ZNF554: variants seen among roughly 807,000 people sequenced by gnomAD.
The protein encoded by ZNF554 is zinc finger protein 554.
Under a neutral mutation model 21.2 loss-of-function variants are expected in ZNF554, and 15 were observed. The observed-to-expected ratio is 0.71, with a 90% CI of 0.47 to 1.09. The LOEUF is 1.09. ZNF554 is among the 50% of genes least tolerant of loss of function. The pLI, the probability that ZNF554 is intolerant of heterozygous loss-of-function variation, is 0.00. For missense variants in ZNF554, 691 were observed against 662.7 expected, an observed-to-expected ratio of 1.04 and a Z score of -0.47; for synonymous variants, 258 against 251.4, an observed-to-expected ratio of 1.03 and a Z score of -0.25.
At chr19:2,820,683 C>CTTTTTTTTTTT (rs1568330714) in intron 1 of ZNF554, among the ~76,000 whole-genome samples, 17 of 81,868 alleles carry the variant, frequency 2.1e-4, no homozygotes, top group African/African-American at 1.0e-3. Flanking sequence ...CAGCAAGGGT[C>CTTTTTTTTTTT]CTTTTTTTTT....
At chr19:2,824,417 T>G (rs1261978146) in intron 2 of ZNF554, among the ~76,000 whole-genome samples, 1 of 152,220 alleles carries the variant, frequency 6.6e-6, no homozygotes, top group African/African-American at 2.4e-5. Flanking sequence ...GCAGCCCCGG[T>G]GGCACCTCCC....
rs918451703 is a variant in ZNF554, at chr19:2,823,241, G to A, written c.126+129G>A. ...TTCAGGAGAATTCCCCAGGAGTGGT[G>A]TGTGGGATGAGGTACTCCTGCTGCT... On this transcript the variant is annotated intron_variant, in intron 2 of 4. Transcript: ENST00000317243. 7 of 904,792 alleles carry A rather than the reference G, an allele frequency of 7.7e-6. No homozygotes were observed. In the East Asian group the frequency reaches 1.3e-4, roughly 17 times the overall value. The allele number at this position is 904,792 out of a possible 1,614,324, so 56.0% of individuals were successfully genotyped here. A position where few individuals can be genotyped will look rare whatever the true frequency, so the allele number is the denominator to read the frequency against.
chr19:2,822,935 T>A, intron 1 of ZNF554, 105 bp from the exon 2 acceptor site: 1 of 1,158,194 alleles, frequency 8.6e-7, no homozygotes. Context: ...TCCCTCTGTG[T>A]ATGGGGGGCC....
At position 2,832,080 on chromosome 19, in the gene ZNF554, C is replaced by A. The variant is rs2087427993; in HGVS notation, c.254-223C>A. 7 of 348,524 alleles carry A rather than the reference C, an allele frequency of 2.0e-5. No homozygotes were observed. The South Asian group carries it at 2.9e-4, about 14-fold the overall frequency. The allele number at this position is 348,524 out of a possible 1,614,324, so 21.6% of individuals were successfully genotyped here. On this transcript the variant is annotated intron_variant, in intron 3 of 4. Transcript: ENST00000317243. ...AACTGGGGTTACAGGCATGCACCACCACGCCCAGCTAATTTTTGTATTTTT... is the reference window on the plus strand; with the variant it reads ...AACTGGGGTTACAGGCATGCACCACAACGCCCAGCTAATTTTTGTATTTTT...
chr19:2,828,373 C>T (rs1053134202), intron 3 of ZNF554, among the ~76,000 whole-genome samples: 1 of 152,168 alleles, frequency 6.6e-6, no homozygotes, highest in African/African-American at 2.4e-5. Context: ...GTCAGAGTGT[C>T]TTAGTCCGTT....
In ZNF554 at chr19:2,821,126, A is replaced by G. The variant is rs75876507; in HGVS notation, c.53+1002A>G. On this transcript the variant is annotated intron_variant, in intron 1 of 4. Transcript: ENST00000317243. The surrounding 1 kb of genome is among the most constrained non-coding windows in gnomAD (Gnocchi z 8.2). ...TTTTTTCTTGAGACAGTCTCGCCCT[A>G]TTGCCCAGGCTGGAGTGCAGTTGCA... Among the ~76,000 whole-genome samples the G allele has an allele frequency of 0.074, 10,983 of 148,262 alleles. 728 individuals are homozygous for G. The highest frequency in any genetic ancestry group is 0.23 in the South Asian group (1,069 of 4,706).
intron 2 of ZNF554, among the ~76,000 whole-genome samples, chr19:2,824,077 C>T (rs1412166979): frequency 2.0e-5 from 3 of 152,182 alleles, no homozygotes; most frequent in Admixed American, 6.5e-5. Context: ...TGGGAGCAGA[C>T]ACCCCTGAAC....
At chr19:2,823,145 A>G (rs377038716) in intron 2 of ZNF554, 33 bp downstream of exon 2, 1 of 1,599,162 alleles carries the variant, frequency 6.3e-7, no homozygotes, top group African/African-American at 1.3e-5. Flanking sequence ...AAGGGCACCC[A>G]GTATATCCAG....
chr19:2,827,573 G>A (rs1345030172), intron 2 of ZNF554, 44 bp from the exon 3 acceptor site: 2 of 1,582,750 alleles, frequency 1.3e-6, no homozygotes, highest in East Asian at 4.6e-5. Flanking sequence ...ATGAACGTGG[G>A]TGGCGATGGA....
intron 2 of ZNF554, among the ~76,000 whole-genome samples, chr19:2,823,824 AG>A (rs1367804419): frequency 1.3e-5 from 2 of 152,002 alleles, no homozygotes; most frequent in African/African-American, 4.8e-5. Context: ...CGGACCTCAG[AG>A]GGGAGGAAGT....
rs1446322273 is a variant in ZNF554, at chr19:2,836,009, T to C, written c.*1157T>C. Reference sequence around the variant, plus strand: ...ACCACACCCAGCTAAATTTTTTTTTTGTATTTTTGTAGTGATGGGCTTTCA... The same window carrying C: ...ACCACACCCAGCTAAATTTTTTTTTCGTATTTTTGTAGTGATGGGCTTTCA... On this transcript the variant is annotated 3_prime_UTR_variant, in exon 5 of 5. Transcript: ENST00000317243. 6.6e-6 allele frequency among the ~76,000 whole-genome samples: 1 copy of C among 152,210 alleles called. No homozygotes were observed. Among genetic ancestry groups the C allele is most frequent in the Non-Finnish European group, 1.5e-5 (1 of 68,010 alleles).
intron 2 of ZNF554, among the ~76,000 whole-genome samples, chr19:2,826,049 C>T (rs933584632): frequency 1.3e-5 from 2 of 151,130 alleles, no homozygotes; most frequent in Non-Finnish European, 2.9e-5. Flanking sequence ...TACAGGCACC[C>T]GTCACCACGC....
chr19:2,828,356 G>A (rs1157058713), intron 3 of ZNF554, among the ~76,000 whole-genome samples: 1 of 152,158 alleles, frequency 6.6e-6, no homozygotes, highest in Admixed American at 6.5e-5. Context: ...TTCCCCTTGG[G>A]AACAAAGTCA....
At chr19:2,829,326 T>C (rs2087380507) in intron 3 of ZNF554, among the ~76,000 whole-genome samples, 1 of 152,086 alleles carries the variant, frequency 6.6e-6, no homozygotes, top group South Asian at 2.1e-4. Flanking sequence ...ACCACTGGAC[T>C]CCAGCCTGGG....
At position 2,832,319 on chromosome 19, in the gene ZNF554, A is replaced by G. The variant is rs767246905; in HGVS notation, c.270A>G (p.Gln90=). The G allele has an allele frequency of 4.2e-5, 67 of 1,599,294 alleles. No homozygotes were observed. Among genetic ancestry groups the G allele is most frequent in the South Asian group, 4.5e-5 (4 of 88,556 alleles). Residue 90 remains glutamine (Q), a synonymous_variant, in exon 4 of 5, where the codon CAA becomes CAG. Coordinates refer to ENST00000317243, the MANE Select transcript of ZNF554 (RefSeq NM_001102651.2). ...CTTTTTCAGAAGCCTTGAAGAACCA[A>G]TGTACTGATGTGGGGATTAAAGAGG... ...NVVSLEALKN[Q]CTDVGIKEGP...
rs746968385 is a variant in ZNF554 at position 2,834,621 on chromosome 19, C to T, written c.1386C>T (p.Asn462=). ...ACGAGCGAACTCACACGGGCGAGAA[C>T]CCCTATGAATGTAAGCAGTGTGGGA... ...NQHERTHTGE[N]PYECKQCGRA... is the part of the protein sequence containing the mutation. The change falls in exon 5 of 5, where the codon AAC becomes AAT. Residue 462 remains asparagine (N), a synonymous_variant. Transcript: ENST00000317243. 3 of 1,613,860 alleles carry T rather than the reference C, an allele frequency of 1.9e-6. No individual in the cohort carries two copies. The highest frequency in any genetic ancestry group is 2.5e-6 in the Non-Finnish European group (3 of 1,179,978).
At chr19:2,832,900 C>T (rs1048685131) in intron 4 of ZNF554, among the ~76,000 whole-genome samples, 3 of 152,122 alleles carry the variant, frequency 2.0e-5, no homozygotes, top group Non-Finnish European at 2.9e-5. Context: ...GATGGAGTCT[C>T]ACTGTGTTTC....
intron 2 of ZNF554, among the ~76,000 whole-genome samples, chr19:2,826,961 T>C (rs1225882508): frequency 1.3e-5 from 2 of 152,162 alleles, no homozygotes; most frequent in Non-Finnish European, 2.9e-5. Flanking sequence ...TGCGACTGGC[T>C]GCAGATTCCT....
chr19:2,835,080 C>T lies in ZNF554; in HGVS notation c.*228C>T, dbSNP rs1055674764. The T allele has an allele frequency of 2.6e-5, 12 of 466,890 alleles. No homozygotes were observed. The highest frequency in any genetic ancestry group is 7.3e-5 in the Admixed American group (2 of 27,392). The allele number at this position is 466,890 out of a possible 1,614,324, so 28.9% of individuals were successfully genotyped here. Reference sequence around the variant, plus strand: ...GTGGCGTGATCATACCTCACTGCAGCTTCAACTTCCTGGGCTCAAGTAATC... The same window carrying T: ...GTGGCGTGATCATACCTCACTGCAGTTTCAACTTCCTGGGCTCAAGTAATC... On this transcript the variant is annotated 3_prime_UTR_variant, in exon 5 of 5. Transcript: ENST00000317243.
Sources: gnomAD v4.1 joint callset for allele counts (sites outside exome capture counted in the v4.1 genomes callset) on GRCh38, gnomAD v4.1.1 for gene constraint, Gnocchi (gnomAD v3.1) non-coding constraint, MANE v1.5 for transcripts, NCBI Gene and HGNC (gene_info 2026-07-23, HGNC 2026-07-21) for gene names.